The following PPARG variants were observed in gnomAD, a reference collection of about 807,000 sequenced individuals.
PPARG encodes peroxisome proliferator activated receptor gamma, also known as peroxisome proliferator-activated receptor gamma.
A neutral mutation model predicts 39.2 loss-of-function variants in PPARG; 17 were observed. The observed-to-expected ratio is 0.43, with a 90% CI of 0.30 to 0.65. PPARG has a LOEUF of 0.65. PPARG is among the 30% of genes least tolerant of loss of function. The pLI is 0.13. For synonymous variants in PPARG, 223 were observed against 215.7 expected (o/e 1.03, Z -0.30); for missense variants, 406 against 585.9 (o/e 0.69, Z 3.17).
intron 2 of PPARG, among the ~76,000 whole-genome samples, chr3:12,366,275 T>C (rs1019149083): frequency 6.6e-6 from 1 of 152,256 alleles, no homozygotes; most frequent in East Asian, 1.9e-4. Context: ...TTATGACTTT[T>C]GTATATTAAC....
At chr3:12,421,232 G>C (rs1333979178) in intron 7 of PPARG, among the ~76,000 whole-genome samples, 1 of 152,184 alleles carries the variant, frequency 6.6e-6, no homozygotes, top group Admixed American at 6.6e-5. Flanking sequence ...GCTGCAACCT[G>C]TTCTCTATTC....
At chr3:12,316,435 G>T (rs1255517374) in intron 2 of PPARG, among the ~76,000 whole-genome samples, 2 of 152,138 alleles carry the variant, frequency 1.3e-5, no homozygotes, top group Non-Finnish European at 2.9e-5. Flanking sequence ...AGGGGCTGCG[G>T]CACTGGAAAG....
intron 4 of PPARG, among the ~76,000 whole-genome samples, chr3:12,384,152 A>G (rs973831769): frequency 1.2e-4 from 18 of 152,162 alleles, no homozygotes; most frequent in African/African-American, 4.1e-4. Flanking sequence ...GAAAAATATT[A>G]TTCTTGGAAA....
At chr3:12,349,484 T>A (rs1447739154) in intron 2 of PPARG, among the ~76,000 whole-genome samples, 1 of 152,240 alleles carries the variant, frequency 6.6e-6, no homozygotes, top group Non-Finnish European at 1.5e-5. Context: ...TTGCTTGGTT[T>A]GTGTATGCTG....
intron 7 of PPARG, among the ~76,000 whole-genome samples, chr3:12,423,744 C>A (rs1175540): frequency 0.43 from 66,086 of 152,128 alleles, 16,205 homozygotes; most frequent in African/African-American, 0.67. Context: ...AAATATTTAC[C>A]TCCCTCATCC....
intron 1 of PPARG, among the ~76,000 whole-genome samples, 198 bp downstream of exon 1, chr3:12,289,332 A>G (rs1042122272): frequency 6.6e-6 from 1 of 152,252 alleles, no homozygotes; most frequent in Non-Finnish European, 1.5e-5. Context: ...AGTCAAAAAT[A>G]GTCGTCTGCC....
chr3:12,414,895 C>A lies in PPARG; in HGVS notation c.730-1809C>A, dbSNP rs536736033. 3.0e-4 allele frequency among the ~76,000 whole-genome samples: 45 copies of A among 152,096 alleles called. 1 individual carries two copies. Among genetic ancestry groups the A allele is most frequent in the African/African-American group, 1.0e-3 (42 of 41,424 alleles). ...TTTTTGGTAACAAAAGTAAAAACTT[C>A]CAGAATAACTCCAGTAAAGGGTGTT... On this transcript the variant is annotated intron_variant, in intron 6 of 7. Coordinates refer to ENST00000651735, the MANE Select transcript of PPARG (RefSeq NM_138711.6).
At chr3:12,368,236 C>T (rs2049088209) in intron 2 of PPARG, among the ~76,000 whole-genome samples, 1 of 141,008 alleles carries the variant, frequency 7.1e-6, no homozygotes, top group African/African-American at 2.6e-5. Context: ...GGCTGGAGTG[C>T]ACTGGCATGA....
intron 2 of PPARG, among the ~76,000 whole-genome samples, chr3:12,375,434 A>G (rs2049372793): frequency 1.3e-5 from 2 of 152,248 alleles, no homozygotes. Context: ...ATACAAAAGC[A>G]TATCCACTAC....
intron 1 of PPARG, chr3:12,297,913 A>G (rs2046828253): frequency 6.6e-6 from 1 of 152,132 alleles, no homozygotes; most frequent in Non-Finnish European, 1.5e-5. Flanking sequence ...GCACTTATAA[A>G]TAGCAGCTGA....
At chr3:12,292,282 C>T (rs2046667215) in intron 1 of PPARG, among the ~76,000 whole-genome samples, 1 of 152,100 alleles carries the variant, frequency 6.6e-6, no homozygotes, top group Non-Finnish European at 1.5e-5. Flanking sequence ...ATTATACATC[C>T]GATGCATCTA....
intron 2 of PPARG, among the ~76,000 whole-genome samples, chr3:12,324,301 C>T (rs2047632603): frequency 6.6e-6 from 1 of 151,762 alleles, no homozygotes; most frequent in African/African-American, 2.4e-5. Flanking sequence ...AAAGAATAGA[C>T]ATTAAAAAGA....
In PPARG at chr3:12,392,806, C is replaced by T. The variant is rs1559521744; in HGVS notation, c.529+54C>T. On this transcript the variant is annotated intron_variant, in intron 5 of 7. Coordinates refer to ENST00000651735, the MANE Select transcript of PPARG (RefSeq NM_138711.6). ...TATTATTCTCATTATAGCTGCCAGA[C>T]CAGTGGACACTAAAGCCATTGCCAA... 19 of 1,605,538 alleles carry T rather than the reference C, an allele frequency of 1.2e-5. No homozygotes were observed. The East Asian group carries it at 4.0e-4, about 34-fold the overall frequency.
chr3:12,301,950 G>A (rs2046937610), intron 1 of PPARG: 1 of 152,284 alleles, frequency 6.6e-6, no homozygotes, highest in Middle Eastern at 3.4e-3. Flanking sequence ...TGTTCAAGTT[G>A]GTTCTAGGCA....
At chr3:12,316,470 G>A (rs2047391943) in intron 2 of PPARG, among the ~76,000 whole-genome samples, 1 of 152,050 alleles carries the variant, frequency 6.6e-6, no homozygotes, top group African/African-American at 2.4e-5. Context: ...TGTTTAATGG[G>A]GACAGTTTCA....
chr3:12,304,648 AT>A (rs1380672297), intron 1 of PPARG, among the ~76,000 whole-genome samples: 3 of 152,250 alleles, frequency 2.0e-5, no homozygotes, highest in African/African-American at 7.2e-5. Context: ...ATTAAGATGT[AT>A]GTAAAAATTT....
intron 2 of PPARG, among the ~76,000 whole-genome samples, chr3:12,331,081 T>C (rs2047844926): frequency 6.6e-6 from 1 of 152,194 alleles, no homozygotes; most frequent in Non-Finnish European, 1.5e-5. Context: ...ACACTAAAAC[T>C]CATCTTTGGA....
intron 2 of PPARG, among the ~76,000 whole-genome samples, chr3:12,377,401 T>C (rs1479731267): frequency 6.6e-6 from 1 of 152,196 alleles, no homozygotes; most frequent in Non-Finnish European, 1.5e-5. Flanking sequence ...CTCTCTAACC[T>C]TTCTATTCTC....
At chr3:12,391,789 G>A (rs900167500) in intron 4 of PPARG, among the ~76,000 whole-genome samples, 1 of 152,124 alleles carries the variant, frequency 6.6e-6, no homozygotes, top group African/African-American at 2.4e-5. Flanking sequence ...CACCAAACAG[G>A]GCCAGATACA....
Sources: allele counts gnomAD v4.1 joint callset (sites outside exome capture counted in the v4.1 genomes callset), GRCh38; gene constraint gnomAD v4.1.1; transcripts MANE v1.5; gene names NCBI Gene and HGNC (gene_info 2026-07-23, HGNC 2026-07-21).